Variants in INPP4A observed in about 807,000 individuals in gnomAD.
INPP4A encodes inositol polyphosphate-4-phosphatase type I A, also known as inositol polyphosphate-4-phosphatase, type I, 107kD.
INPP4A carries 33 observed loss-of-function variants against 119.8 expected under a neutral mutation model. That is an observed-to-expected ratio of 0.28 (90% CI 0.21 to 0.37). The LOEUF is 0.37. Among genes scored for constraint, INPP4A ranks in the 10% least tolerant of loss-of-function variants. INPP4A has a pLI of 1.00. For synonymous variants in INPP4A, 496 were observed against 500.7 expected, an observed-to-expected ratio of 0.99 and a Z score of 0.12; for missense variants, 956 against 1,289.9, an observed-to-expected ratio of 0.74 and a Z score of 3.97.
intron 24 of INPP4A, among the ~76,000 whole-genome samples, chr2:98,583,742 A>G (rs1699645671): frequency 6.6e-6 from 1 of 152,172 alleles, no homozygotes; most frequent in African/African-American, 2.4e-5. Flanking sequence ...GTCGACCACA[A>G]AAGGCAGCGA....
chr2:98,549,136 A>G (rs1693026875), intron 13 of INPP4A, among the ~76,000 whole-genome samples: 1 of 152,118 alleles, frequency 6.6e-6, no homozygotes, highest in Non-Finnish European at 1.5e-5. Context: ...AATGTTCTTT[A>G]ATAATGAATA....
chr2:98,565,522 A>G, intron 19 of INPP4A, 118 bp from the exon 20 acceptor site: 1 of 1,100,938 alleles, frequency 9.1e-7, no homozygotes, highest in South Asian at 1.9e-5. Context: ...CCCCTCCACC[A>G]GAGCCACACC....
chr2:98,449,638 C>T (rs905790597), intron 1 of INPP4A, among the ~76,000 whole-genome samples: 1 of 152,150 alleles, frequency 6.6e-6, no homozygotes, highest in Admixed American at 6.5e-5. Context: ...GTATAAAAAC[C>T]GAGATGTAGG....
At chr2:98,463,890 G>A (rs747129908) in intron 1 of INPP4A, among the ~76,000 whole-genome samples, 131 of 152,264 alleles carry the variant, frequency 8.6e-4, no homozygotes, top group Middle Eastern at 6.8e-3. Flanking sequence ...GTCTCTGCTC[G>A]CTCCGTGCAC....
intron 16 of INPP4A, among the ~76,000 whole-genome samples, chr2:98,556,393 C>A (rs182272002): frequency 6.6e-6 from 1 of 152,202 alleles, no homozygotes; most frequent in Non-Finnish European, 1.5e-5. Context: ...TTTGGCAGGA[C>A]CCTTCAGGGT....
At chr2:98,445,922 C>T (rs1321802152) in intron 1 of INPP4A, among the ~76,000 whole-genome samples, 1 of 152,170 alleles carries the variant, frequency 6.6e-6, no homozygotes, top group African/African-American at 2.4e-5. Context: ...TGTTGGGAAC[C>T]TGCCTAAGAG....
intron 24 of INPP4A, among the ~76,000 whole-genome samples, chr2:98,584,806 G>T (rs1699772038): frequency 6.6e-6 from 1 of 152,356 alleles, no homozygotes; most frequent in African/African-American, 2.4e-5. Context: ...AAACTCAGTT[G>T]CTCTCCCTTT....
intron 4 of INPP4A, among the ~76,000 whole-genome samples, chr2:98,527,703 A>G (rs1688434676): frequency 6.6e-6 from 1 of 152,224 alleles, no homozygotes; most frequent in African/African-American, 2.4e-5. Flanking sequence ...GCACCCCAGT[A>G]TACACACAGG....
intron 17 of INPP4A, among the ~76,000 whole-genome samples, chr2:98,562,704 G>T (rs1472360423): frequency 6.6e-6 from 1 of 152,058 alleles, no homozygotes; most frequent in Non-Finnish European, 1.5e-5. Flanking sequence ...CTTCTAAATA[G>T]GAAGGAAAAA....
chr2:98,507,037 C>T (rs1337625705), intron 1 of INPP4A, among the ~76,000 whole-genome samples: 1 of 152,252 alleles, frequency 6.6e-6, no homozygotes, highest in Non-Finnish European at 1.5e-5. Context: ...ACATCCCCCT[C>T]CTCTGCCCTG....
chr2:98,492,397 CT>C (rs1177887060), intron 1 of INPP4A, among the ~76,000 whole-genome samples: 1 of 152,190 alleles, frequency 6.6e-6, no homozygotes, highest in Non-Finnish European at 1.5e-5. Context: ...CAAGTTGTAT[CT>C]CACTGGCCAG....
intron 24 of INPP4A, chr2:98,581,809 T>C: frequency 2.6e-6 from 4 of 1,564,914 alleles, no homozygotes; most frequent in Non-Finnish European, 3.5e-6. Context: ...TGCCAGAACA[T>C]GTCCAGCCAC....
Position 98,518,947 on chromosome 2 carries a change from C to T in INPP4A, c.-165-17C>T, listed in dbSNP as rs1358205044. 1 of 152,114 alleles carries T rather than the reference C, an allele frequency of 6.6e-6. No individual in the cohort carries two copies. Among genetic ancestry groups the T allele is most frequent in the African/African-American group, 2.4e-5 (1 of 41,422 alleles). 9.4% of individuals were successfully genotyped at this position (152,114 alleles called of 1,614,324 possible). A position where few individuals can be genotyped will look rare whatever the true frequency, so the allele number is the denominator to read the frequency against. ...ATGTTTGACCAGCTTGTTAAGTTTT[C>T]GCTTTCTTATTTTTAGATGATGGAT... On this transcript the variant is annotated splice_polypyrimidine_tract_variant and intron_variant, in intron 1 of 24. Transcript: ENST00000409851.
At chr2:98,450,901 A>G (rs775694593) in intron 1 of INPP4A, among the ~76,000 whole-genome samples, 27 of 152,028 alleles carry the variant, frequency 1.8e-4, no homozygotes, top group Middle Eastern at 3.2e-3. Flanking sequence ...CCTCCCTAGT[A>G]GCTGAGATTA....
intron 1 of INPP4A, among the ~76,000 whole-genome samples, chr2:98,449,333 C>T (rs1694834937): frequency 6.6e-6 from 1 of 152,124 alleles, no homozygotes; most frequent in Admixed American, 6.6e-5. Flanking sequence ...AGAAACCTTC[C>T]TTTCTCTATT....
chr2:98,536,271 GA>G, intron 7 of INPP4A, 63 bp downstream of exon 7: 1 of 998,816 alleles, frequency 1.0e-6, no homozygotes, highest in Non-Finnish European at 1.6e-6. Context: ...GACAGATGGG[GA>G]AAGGACCCAC....
intron 1 of INPP4A, among the ~76,000 whole-genome samples, chr2:98,452,188 G>T (rs1015106763): frequency 5.1e-4 from 78 of 152,166 alleles, no homozygotes; most frequent in Admixed American, 7.2e-4. Flanking sequence ...CTTCCCTCTG[G>T]CCTGTGGAGC....
intron 1 of INPP4A, among the ~76,000 whole-genome samples, chr2:98,460,100 CGT>C (rs3066275): frequency 0.48 from 69,937 of 146,678 alleles, 16,673 homozygotes; most frequent in Middle Eastern, 0.59. Context: ...GTTTGGTCAT[CGT>C]GTGTGTGTGT....
intron 17 of INPP4A, among the ~76,000 whole-genome samples, chr2:98,563,216 G>A (rs2106327300): frequency 6.6e-6 from 1 of 152,184 alleles, no homozygotes; most frequent in South Asian, 2.1e-4. Context: ...GTCCCCAACA[G>A]GTTCAGGAGA....
Sources: allele counts gnomAD v4.1 joint callset (sites outside exome capture counted in the v4.1 genomes callset), GRCh38; gene constraint gnomAD v4.1.1; transcripts MANE v1.5; gene names NCBI Gene and HGNC (gene_info 2026-07-23, HGNC 2026-07-21).